The following PUS1 variants were observed in gnomAD, a reference collection of about 807,000 sequenced individuals.
PUS1 encodes pseudouridine synthase 1.
PUS1 carries 25 observed loss-of-function variants against 38.5 expected under a neutral mutation model. The ratio of observed to expected loss-of-function variants is 0.65; its 90% confidence interval spans 0.47 to 0.91. The LOEUF (loss-of-function observed/expected upper bound fraction) is 0.91. Ranked by LOEUF, PUS1 falls within the 40% of genes least tolerant of loss-of-function variation. The pLI is 0.00. For missense variants in PUS1, 597 were observed against 612.3 expected, an observed-to-expected ratio of 0.97 and a Z score of 0.26; for synonymous variants, 282 against 260.4, an observed-to-expected ratio of 1.08 and a Z score of -0.80.
intron 4 of PUS1, among the ~76,000 whole-genome samples, chr12:131,940,489 A>G (rs1394279690): frequency 6.6e-6 from 1 of 152,250 alleles, no homozygotes; most frequent in African/African-American, 2.4e-5. Context: ...TTGGGCTGTT[A>G]GAAGTAAAGC....
rs1891004681 is a variant in PUS1 at position 131,940,160 on chromosome 12, C to T, written c.544+885C>T. ...GGATCCTCCCGCCTCAGCCTATAAGCTGGGACTACAGGCACACGCCACCAC... is the reference window on the plus strand; with the variant it reads ...GGATCCTCCCGCCTCAGCCTATAAGTTGGGACTACAGGCACACGCCACCAC... On this transcript the variant is annotated intron_variant, in intron 4 of 5. Transcript: ENST00000376649. 2.0e-5 allele frequency among the ~76,000 whole-genome samples: 3 copies of T among 152,034 alleles called. No homozygotes were observed. In the South Asian group the frequency reaches 6.2e-4, roughly 31 times the overall value.
In PUS1 at chr12:131,943,614, C is replaced by T. The variant is rs767588707; in HGVS notation, c.*28C>T. 5.0e-6 allele frequency: 8 copies of T among 1,592,644 alleles called. No individual in the cohort carries two copies. Among genetic ancestry groups the T allele is most frequent in the East Asian group, 2.2e-5 (1 of 44,764 alleles). ...CGATGGGAGCTGCCCACCAGAGTGC[C>T]TCTGAGCAGCTCACAGTGTGTGCCC... On this transcript the variant is annotated 3_prime_UTR_variant, in exon 6 of 6. Transcript: ENST00000376649.
chr12:131,944,800 A>T lies in PUS1; in HGVS notation c.*1214A>T, dbSNP rs1015646342. The T allele has an allele frequency of 6.6e-6, 1 of 152,064 alleles. No homozygotes were observed. The highest frequency in any genetic ancestry group is 6.6e-5 in the Admixed American group (1 of 15,256). 9.4% of individuals were successfully genotyped at this position (152,064 alleles called of 1,614,324 possible). On this transcript the variant is annotated 3_prime_UTR_variant, in exon 6 of 6. Coordinates refer to ENST00000376649, the MANE Select transcript of PUS1 (RefSeq NM_025215.6). ...GGCCCTTAGTGGAGCTTACTGGAAGACCCCACCAGCCGCTGCTGCACGTCA... is the reference window on the plus strand; with the variant it reads ...GGCCCTTAGTGGAGCTTACTGGAAGTCCCCACCAGCCGCTGCTGCACGTCA...
At chr12:131,931,826 T>G (rs988563253) in intron 2 of PUS1, 9 of 437,526 alleles carry the variant, frequency 2.1e-5, no homozygotes, top group Middle Eastern at 6.8e-4. Context: ...CCACTGCACC[T>G]GGCCATAGAT....
rs1891202984 is a variant in PUS1, at chr12:131,944,141, G to A, written c.*555G>A. The stretch of plus-strand genomic sequence containing the variant: ...TAGTTCAGCTGCTCAGGAGGCTGAG[G>A]TGGGAGGATTGCCTGAGTCTGGAGA... On this transcript the variant is annotated 3_prime_UTR_variant, in exon 6 of 6. Transcript: ENST00000376649. The A allele has an allele frequency of 6.2e-6, 1 of 160,520 alleles. No individual in the cohort carries two copies. 9.9% of individuals were successfully genotyped at this position (160,520 alleles called of 1,614,324 possible).
chr12:131,942,404 TTTC>T (rs1891115902), intron 5 of PUS1, among the ~76,000 whole-genome samples: 1 of 145,896 alleles, frequency 6.9e-6, no homozygotes, highest in Non-Finnish European at 1.5e-5. Context: ...GAGTTTGTTC[TTTC>T]TTTTTTTTTT....
intron 2 of PUS1, among the ~76,000 whole-genome samples, chr12:131,930,570 C>A (rs1315205884): frequency 6.6e-6 from 1 of 152,220 alleles, no homozygotes; most frequent in Non-Finnish European, 1.5e-5. Context: ...ATTCTCTCCT[C>A]AGCCCACTTC....
At position 131,939,424 on chromosome 12, in the gene PUS1, G is replaced by A. The variant is rs1425284230; in HGVS notation, c.544+149G>A. 1.9e-5 allele frequency: 13 copies of A among 694,150 alleles called. 1 individual carries two copies. The highest frequency in any genetic ancestry group is 1.2e-4 in the South Asian group (8 of 65,854). 43.0% of individuals were successfully genotyped at this position (694,150 alleles called of 1,614,324 possible). On this transcript the variant is annotated intron_variant, in intron 4 of 5. Coordinates refer to ENST00000376649, the MANE Select transcript of PUS1 (RefSeq NM_025215.6). ...GCAGCTGGTTCTGACCTTCAGAAAC[G>A]GGAGCCACTAGACAGGAGTAGAAAG...
intron 2 of PUS1, 114 bp downstream of exon 2, chr12:131,930,249 C>T (rs1593286843): frequency 3.3e-6 from 2 of 605,290 alleles, no homozygotes; most frequent in East Asian, 3.3e-5. Flanking sequence ...CAGGTAGCGG[C>T]GGGTCCGGCA....
chr12:131,943,450 G>A, intron 5 of PUS1, 89 bp from the exon 6 acceptor site: 1 of 1,081,346 alleles, frequency 9.2e-7, no homozygotes, highest in Non-Finnish European at 1.4e-6. Context: ...CAAGGCTCCT[G>A]TGCCAAGCCT....
At chr12:131,930,228 G>C (rs1890539884) in intron 2 of PUS1, 93 bp downstream of exon 2, 1 of 789,978 alleles carries the variant, frequency 1.3e-6, no homozygotes, top group South Asian at 3.2e-5. Context: ...TTAGGTGCAG[G>C]AGCGGTCGCC....
Position 131,941,121 on chromosome 12 carries a change from G to A in PUS1, c.545-171G>A. 1 of 639,736 alleles carries A rather than the reference G, an allele frequency of 1.6e-6. No homozygotes were observed. The highest frequency in any genetic ancestry group is 2.8e-6 in the Non-Finnish European group (1 of 353,940). 39.6% of individuals were successfully genotyped at this position (639,736 alleles called of 1,614,324 possible). On this transcript the variant is annotated intron_variant, in intron 4 of 5. Coordinates refer to ENST00000376649, the MANE Select transcript of PUS1 (RefSeq NM_025215.6). This position sits in a 1 kb window ranked among gnomAD's most constrained non-coding sequence, Gnocchi z 4.4. The stretch of plus-strand genomic sequence containing the variant: ...TCCCTCCTGTCCATCGTCCTCCTGT[G>A]CCTGTTCCCCAGCCTGTGGCTGCCC...
intron 3 of PUS1, among the ~76,000 whole-genome samples, chr12:131,933,153 C>G (rs1437435590): frequency 6.6e-6 from 1 of 151,568 alleles, no homozygotes; most frequent in Non-Finnish European, 1.5e-5. Flanking sequence ...CACAGCAAAA[C>G]CGTATCACTG....
Position 131,941,391 on chromosome 12 carries a change from G to C in PUS1, c.644G>C (p.Arg215Pro). Residue 215 changes from arginine (R) to proline (P), a missense_variant, in exon 5 of 6, where the codon CGG becomes CCG. Physicochemically the swap from Arg to Pro is moderately radical, Grantham distance 103. Coordinates refer to ENST00000376649, the MANE Select transcript of PUS1 (RefSeq NM_025215.6). This position sits in a 1 kb window ranked among gnomAD's most constrained non-coding sequence, Gnocchi z 4.4. ...ACGTTTGCCTTTGCGCACAAGGACC[G>C]GGACGTTCAGGATGAGACCTACCGC... ...LPTFAFAHKD[R>P]DVQDETYRLS... is the part of the protein sequence containing the mutation. The C allele has an allele frequency of 6.2e-7, 1 of 1,614,224 alleles. No homozygotes were observed. Among genetic ancestry groups the C allele is most frequent in the Non-Finnish European group, 8.5e-7 (1 of 1,180,040 alleles).
rs1347871217 is a variant in PUS1 at position 131,929,561 on chromosome 12, G to A, written c.-162G>A. 3.8e-5 allele frequency: 22 copies of A among 585,436 alleles called. No individual in the cohort carries two copies. Among genetic ancestry groups the A allele is most frequent in the Non-Finnish European group, 5.4e-5 (19 of 349,628 alleles). 36.3% of individuals were successfully genotyped at this position (585,436 alleles called of 1,614,324 possible). ...AGGTCCGAGAGGTCAGGGGTCAGCT[G>A]GAGAGGGGCTGGGGCGCCGGTTTCC... On this transcript the variant is annotated 5_prime_UTR_variant, in exon 1 of 6. Transcript: ENST00000376649.
At chr12:131,937,257 T>C (rs1285424796) in intron 3 of PUS1, among the ~76,000 whole-genome samples, 35 of 152,212 alleles carry the variant, frequency 2.3e-4, no homozygotes, top group Admixed American at 2.2e-3. Context: ...CCATGATTCT[T>C]AATAATGCCA....
intron 2 of PUS1, among the ~76,000 whole-genome samples, chr12:131,930,409 A>C (rs1025394580): frequency 6.6e-6 from 1 of 152,162 alleles, no homozygotes; most frequent in Non-Finnish European, 1.5e-5. Flanking sequence ...TTAGGATGGG[A>C]GTGCTCACAG....
In PUS1 at chr12:131,943,568, G is replaced by T; in HGVS notation, c.1266G>T (p.Gly422=). The change falls in exon 6 of 6, where the codon GGG becomes GGT. Residue 422 remains glycine (G), a synonymous_variant. Transcript: ENST00000376649. ...KVPSPLEGSE[G]DGDTD ...CCAGTCCCCTGGAAGGCAGTGAAGGGGACGGAGACACTGACTGAGGCGATG... is the reference window on the plus strand; with the variant it reads ...CCAGTCCCCTGGAAGGCAGTGAAGGTGACGGAGACACTGACTGAGGCGATG... 2 of 1,613,742 alleles carry T rather than the reference G, an allele frequency of 1.2e-6. No individual in the cohort carries two copies. The highest frequency in any genetic ancestry group is 2.2e-5 in the South Asian group (2 of 91,058).
At chr12:131,932,755 T>A (rs1333515057) in intron 3 of PUS1, 1 of 418,268 alleles carries the variant, frequency 2.4e-6, no homozygotes, top group East Asian at 7.1e-5. Flanking sequence ...CAGGCTGGAG[T>A]GCAGTGGCAT....
Sources: allele counts gnomAD v4.1 joint callset (sites outside exome capture counted in the v4.1 genomes callset), GRCh38; gene constraint gnomAD v4.1.1; non-coding constraint Gnocchi (gnomAD v3.1); transcripts MANE v1.5; gene names NCBI Gene and HGNC (gene_info 2026-07-23, HGNC 2026-07-21).